TAF8: variants seen among roughly 807,000 people sequenced by gnomAD.
The protein encoded by TAF8 is transcription initiation factor TFIID subunit 8.
TAF8 carries 47 observed loss-of-function variants against 36.5 expected under a neutral mutation model. The ratio of observed to expected loss-of-function variants is 1.29; its 90% CI spans 1.02 to 1.64. The LOEUF (loss-of-function observed/expected upper bound fraction) is 1.64, where lower values mean the gene tolerates loss of function less well. Ranked by LOEUF, TAF8 falls within the 40% of genes most tolerant of loss-of-function variation. The pLI is 0.00. For synonymous variants in TAF8, 175 were observed against 159.5 expected (o/e 1.10, Z -0.73); for missense variants, 420 against 407.6 (o/e 1.03, Z -0.26).
rs574110283 is a variant in TAF8 at position 42,054,714 on chromosome 6, C to T, written c.203-817C>T. 7.9e-5 allele frequency among the ~76,000 whole-genome samples: 12 copies of T among 151,472 alleles called. No individual in the cohort carries two copies. The South Asian group carries it at 2.1e-3, about 26-fold the overall frequency. ...ACCACCTCCACCTCCCAGGTTCAAGCGATTTTCAGCCTCCTGAGTAGCTGG... is the reference window on the plus strand; with the variant it reads ...ACCACCTCCACCTCCCAGGTTCAAGTGATTTTCAGCCTCCTGAGTAGCTGG... On this transcript the variant is annotated intron_variant, in intron 2 of 8. Transcript: ENST00000372977.
rs57182967 is a variant in TAF8 at position 42,081,325 on chromosome 6, TACC to T, written c.*3792_*3794del. ...CTGAGTAGCTGGGATTATAGGTATC[TACC>T]ACCACCACCACGCCTGGCTAATTTT... On this transcript the variant is annotated 3_prime_UTR_variant, in exon 9 of 9. Transcript: ENST00000372977. The T allele has an allele frequency of 0.43, 65,428 of 151,192 alleles. 14,603 individuals carry two copies. Among genetic ancestry groups the T allele is most frequent in the Admixed American group, 0.49 (7,503 of 15,168 alleles). The allele number at this position is 151,192 out of a possible 1,614,324, so 9.4% of individuals were successfully genotyped here.
Position 42,068,489 on chromosome 6 carries a change from TCCCCTAC to T in TAF8, c.664_670del (p.Pro222Ter), listed in dbSNP as rs1765444448. On this transcript the variant is annotated frameshift_variant, in exon 7 of 9. Coordinates refer to ENST00000372977, the MANE Select transcript of TAF8 (RefSeq NM_138572.3). LOFTEE classifies it high-confidence loss of function. ...GTGATTGCTGCCAGACCTTTCACCATCCCCTACCTGACAGCTCTTCTTCCGTCTGAAC... is the reference window on the plus strand; with the variant it reads ...GTGATTGCTGCCAGACCTTTCACCATCTGACAGCTCTTCTTCCGTCTGAAC... 1 of 1,613,898 alleles carries T rather than the reference TCCCCTAC, an allele frequency of 6.2e-7. No homozygotes were observed. The highest frequency in any genetic ancestry group is 1.3e-5 in the African/African-American group (1 of 74,888).
intron 5 of TAF8, chr6:42,057,933 C>T (rs976604998): frequency 5.1e-6 from 1 of 196,858 alleles, no homozygotes; most frequent in Non-Finnish European, 1.0e-5. Flanking sequence ...TACATAGCCG[C>T]ATAGGAACAA....
chr6:42,079,760 C>T lies in TAF8; in HGVS notation c.*2215C>T. The T allele has an allele frequency of 4.0e-6, 3 of 742,776 alleles. No homozygotes were observed. Among genetic ancestry groups the T allele is most frequent in the Non-Finnish European group, 4.9e-6 (3 of 609,562 alleles). The allele number at this position is 742,776 out of a possible 1,614,324, so 46.0% of individuals were successfully genotyped here. ...GTAGACACGGGATTTTGCTATGTTG[C>T]CCAGGCTGGTCTTGAACTCCTGGCC... On this transcript the variant is annotated 3_prime_UTR_variant, in exon 9 of 9. Coordinates refer to ENST00000372977, the MANE Select transcript of TAF8 (RefSeq NM_138572.3).
chr6:42,065,964 A>G (rs1474988828), intron 5 of TAF8, among the ~76,000 whole-genome samples: 1 of 152,114 alleles, frequency 6.6e-6, no homozygotes, highest in Non-Finnish European at 1.5e-5. Flanking sequence ...GCAATGATGC[A>G]GTCTCGGCTC....
At chr6:42,067,317 C>A (rs994667714) in intron 6 of TAF8, among the ~76,000 whole-genome samples, 1 of 152,186 alleles carries the variant, frequency 6.6e-6, no homozygotes, top group Non-Finnish European at 1.5e-5. Context: ...CTCCCGGGTT[C>A]CAGCGATTCT....
At chr6:42,051,219 A>T (rs1332605231) in intron 1 of TAF8, 138 bp from the exon 2 acceptor site, 16 of 1,296,374 alleles carry the variant, frequency 1.2e-5, no homozygotes, top group Non-Finnish European at 1.6e-5. Context: ...GTTGGCCAAG[A>T]TCTGTAAATC....
At chr6:42,068,397 T>G in intron 6 of TAF8, 68 bp from the exon 7 acceptor site, 1 of 1,584,718 alleles carries the variant, frequency 6.3e-7, no homozygotes, top group Non-Finnish European at 8.6e-7. Flanking sequence ...GTTGTGAGGC[T>G]CTAGGACTCT....
In TAF8 at chr6:42,079,090, C is replaced by G. The variant is rs1484598546; in HGVS notation, c.*1545C>G. On this transcript the variant is annotated 3_prime_UTR_variant, in exon 9 of 9. Transcript: ENST00000372977. The stretch of plus-strand genomic sequence containing the variant: ...TGAGCCGAGATCGTGCCACTGCACT[C>G]CAGCCTGGGTGACAGAGCGAGACTC... 1 of 903,668 alleles carries G rather than the reference C, an allele frequency of 1.1e-6. No individual in the cohort carries two copies. Among genetic ancestry groups the G allele is most frequent in the Non-Finnish European group, 1.3e-6 (1 of 755,532 alleles). 56.0% of individuals were successfully genotyped at this position (903,668 alleles called of 1,614,324 possible).
At chr6:42,076,311 G>T (rs1765745909) in intron 7 of TAF8, among the ~76,000 whole-genome samples, 1 of 151,994 alleles carries the variant, frequency 6.6e-6, no homozygotes, top group African/African-American at 2.4e-5. Flanking sequence ...TTAGCCGGGC[G>T]TCATGGCACA....
chr6:42,053,873 C>T (rs1392210639), intron 2 of TAF8, among the ~76,000 whole-genome samples: 2 of 152,108 alleles, frequency 1.3e-5, no homozygotes, highest in Non-Finnish European at 2.9e-5. Flanking sequence ...TTGGAACAAT[C>T]TTGGAATTTA....
chr6:42,050,644 C>G, intron 1 of TAF8, 58 bp downstream of exon 1: 1 of 1,503,248 alleles, frequency 6.7e-7, no homozygotes, highest in Non-Finnish European at 8.9e-7. Context: ...TGCAACTTTC[C>G]CCTCGACTGA....
chr6:42,054,976 C>G (rs1764924689), intron 2 of TAF8, among the ~76,000 whole-genome samples: 1 of 148,606 alleles, frequency 6.7e-6, no homozygotes, highest in African/African-American at 2.5e-5. Context: ...GTCGCCCAGG[C>G]TGGAGTGCAA....
At position 42,068,679 on chromosome 6, in the gene TAF8, G is replaced by T; in HGVS notation, c.780+72G>T. The stretch of plus-strand genomic sequence containing the variant: ...CACACTGCCCTCAGTCTGTCACCCT[G>T]GGACCTGGACATGATCGACCTCAGG... On this transcript the variant is annotated intron_variant, in intron 7 of 8. Coordinates refer to ENST00000372977, the MANE Select transcript of TAF8 (RefSeq NM_138572.3). 2.3e-5 allele frequency: 36 copies of T among 1,578,818 alleles called. 2 individuals carry two copies. The South Asian group carries it at 4.0e-4, about 18-fold the overall frequency.
intron 7 of TAF8, among the ~76,000 whole-genome samples, chr6:42,072,860 C>G (rs1229252533): frequency 6.6e-6 from 1 of 151,922 alleles, no homozygotes; most frequent in Non-Finnish European, 1.5e-5. Flanking sequence ...GCAGCTAGGA[C>G]TACAGGCGCC....
At chr6:42,066,670 C>T (rs537416425) in intron 6 of TAF8, among the ~76,000 whole-genome samples, 9 of 152,140 alleles carry the variant, frequency 5.9e-5, no homozygotes, top group African/African-American at 2.2e-4. Flanking sequence ...TTGGGACTGG[C>T]TGCTTGAGGT....
chr6:42,085,108 A>G (rs1766006251), downstream of TAF8, among the ~76,000 whole-genome samples: 1 of 152,092 alleles, frequency 6.6e-6, no homozygotes, highest in Non-Finnish European at 1.5e-5. Flanking sequence ...ATACGGACAC[A>G]TTTTTCCCTT....
chr6:42,056,129 T>A, intron 4 of TAF8, 115 bp downstream of exon 4: 2 of 726,724 alleles, frequency 2.8e-6, no homozygotes, highest in East Asian at 2.7e-5. Context: ...TGGGCTCTCT[T>A]CCAATGTTTG....
At chr6:42,083,412 T>A (rs2127468307), downstream of TAF8, 1 of 152,336 alleles carries the variant, frequency 6.6e-6, no homozygotes, top group African/African-American at 2.4e-5. Flanking sequence ...TTGTTATGGG[T>A]GTCCATTGAA....
Sources: allele counts gnomAD v4.1 joint callset (sites outside exome capture counted in the v4.1 genomes callset), GRCh38; gene constraint gnomAD v4.1.1; transcripts MANE v1.5; gene names NCBI Gene and HGNC (gene_info 2026-07-23, HGNC 2026-07-21).